Variants in MYRIP observed in about 807,000 individuals in gnomAD.
MYRIP encodes rab effector MyRIP.
A neutral mutation model predicts 98.0 loss-of-function variants in MYRIP; 49 were observed. That is an observed-to-expected ratio of 0.50 (90% CI 0.40 to 0.63). MYRIP has a LOEUF of 0.63. MYRIP is among the 30% of genes least tolerant of loss of function. The pLI is 0.00. For synonymous variants in MYRIP, 404 were observed against 409.5 expected, an observed-to-expected ratio of 0.99 and a Z score of 0.16; for missense variants, 1,004 against 1,058.2, an observed-to-expected ratio of 0.95 and a Z score of 0.71.
chr3:40,019,911 A>C (rs1946953076), intron 2 of MYRIP, among the ~76,000 whole-genome samples: 1 of 152,230 alleles, frequency 6.6e-6, no homozygotes, highest in South Asian at 2.1e-4. Flanking sequence ...GCAAGATGAT[A>C]AGGATATATG....
intron 2 of MYRIP, among the ~76,000 whole-genome samples, chr3:39,976,924 A>T (rs912870587): frequency 1.3e-5 from 2 of 152,172 alleles, no homozygotes; most frequent in African/African-American, 4.8e-5. Flanking sequence ...GAGGGATAAC[A>T]TTAGGAGATA....
chr3:39,992,584 C>A (rs72870091), intron 2 of MYRIP, among the ~76,000 whole-genome samples: 116 of 152,350 alleles, frequency 7.6e-4, no homozygotes, highest in African/African-American at 2.7e-3. Context: ...TTCTAGCCAT[C>A]TTTCAGCCTT....
intron 3 of MYRIP, among the ~76,000 whole-genome samples, chr3:40,086,189 C>A (rs1948622387): frequency 6.6e-6 from 1 of 152,168 alleles, no homozygotes; most frequent in Non-Finnish European, 1.5e-5. Flanking sequence ...TAGGAAAATT[C>A]TTACAAACTT....
intron 3 of MYRIP, among the ~76,000 whole-genome samples, chr3:40,149,281 T>G (rs1161621969): frequency 2.0e-5 from 3 of 152,180 alleles, no homozygotes; most frequent in Non-Finnish European, 2.9e-5. Context: ...TGTCACACTC[T>G]TTTCAACAAC....
At chr3:39,995,918 TA>T in intron 2 of MYRIP, among the ~76,000 whole-genome samples, 1 of 152,216 alleles carries the variant, frequency 6.6e-6, no homozygotes, top group African/African-American at 2.4e-5. Flanking sequence ...CAGAATTTCC[TA>T]TCCAGCCAAA....
chr3:40,173,353 A>G (rs143847674), intron 8 of MYRIP: 1 of 152,238 alleles, frequency 6.6e-6, no homozygotes, highest in African/African-American at 2.4e-5. Flanking sequence ...AGCTCCGGAG[A>G]TGGAATGCCT....
At chr3:39,997,714 T>G (rs1303644474) in intron 2 of MYRIP, among the ~76,000 whole-genome samples, 12 of 151,302 alleles carry the variant, frequency 7.9e-5, no homozygotes, top group Non-Finnish European at 1.0e-4. Flanking sequence ...TACCAAAGCC[T>G]GGCAGAGACA....
At chr3:39,976,680 T>C (rs1025132227) in intron 2 of MYRIP, among the ~76,000 whole-genome samples, 5 of 152,068 alleles carry the variant, frequency 3.3e-5, no homozygotes, top group Admixed American at 3.3e-4. Flanking sequence ...ATTTAGAAAA[T>C]ATGGCACATA....
intron 1 of MYRIP, among the ~76,000 whole-genome samples, chr3:39,837,766 G>A (rs1296670836): frequency 6.6e-6 from 1 of 152,188 alleles, no homozygotes; most frequent in Non-Finnish European, 1.5e-5. Context: ...GCCAATGGTA[G>A]CTTGATGGGA....
intron 1 of MYRIP, among the ~76,000 whole-genome samples, chr3:39,871,296 T>C (rs1333884387): frequency 6.6e-6 from 1 of 152,254 alleles, no homozygotes; most frequent in Non-Finnish European, 1.5e-5. Context: ...CAATTTGGAA[T>C]GCCAGTCACT....
chr3:40,238,442 C>G (rs898919131), intron 12 of MYRIP, among the ~76,000 whole-genome samples: 4 of 152,198 alleles, frequency 2.6e-5, no homozygotes, highest in African/African-American at 9.7e-5. Context: ...AAGAACAGTC[C>G]TGCACTCCTC....
chr3:39,939,714 T>C (rs563791960), intron 2 of MYRIP, among the ~76,000 whole-genome samples: 4 of 152,322 alleles, frequency 2.6e-5, no homozygotes, highest in African/African-American at 9.6e-5. Flanking sequence ...TAACTTAGAA[T>C]TGTAATTATT....
At chr3:39,908,780 A>G (rs766381460) in intron 2 of MYRIP, among the ~76,000 whole-genome samples, 1 of 152,216 alleles carries the variant, frequency 6.6e-6, no homozygotes, top group Non-Finnish European at 1.5e-5. Flanking sequence ...AATTAAGCTA[A>G]TGAATTAGCA....
At chr3:40,160,946 T>C (rs979658520) in intron 4 of MYRIP, among the ~76,000 whole-genome samples, 2 of 152,178 alleles carry the variant, frequency 1.3e-5, no homozygotes, top group African/African-American at 4.8e-5. Flanking sequence ...GATGGAAATG[T>C]AGAAATCACC....
chr3:39,907,597 C>A (rs1943909420), intron 2 of MYRIP, among the ~76,000 whole-genome samples: 1 of 152,180 alleles, frequency 6.6e-6, no homozygotes, highest in African/African-American at 2.4e-5. Flanking sequence ...TGATGATCAG[C>A]AGGAGACTTT....
chr3:39,983,093 T>C (rs1429043213), intron 2 of MYRIP, among the ~76,000 whole-genome samples: 1 of 152,224 alleles, frequency 6.6e-6, no homozygotes, highest in Non-Finnish European at 1.5e-5. Flanking sequence ...TGAGGCTTAA[T>C]CCATAACCAA....
At chr3:40,071,491 G>A (rs183089814) in intron 3 of MYRIP, among the ~76,000 whole-genome samples, 6 of 152,308 alleles carry the variant, frequency 3.9e-5, no homozygotes, top group Admixed American at 3.9e-4. Context: ...TTTACTATGT[G>A]TGATTTTAGA....
At chr3:39,923,656 A>T (rs569219520) in intron 2 of MYRIP, among the ~76,000 whole-genome samples, 1 of 152,296 alleles carries the variant, frequency 6.6e-6, no homozygotes, top group East Asian at 1.9e-4. Flanking sequence ...TAAGGAAGTG[A>T]TAACAGAAGA....
chr3:40,046,638 CAG>C (rs1283998511), intron 3 of MYRIP, among the ~76,000 whole-genome samples: 1 of 149,900 alleles, frequency 6.7e-6, no homozygotes, highest in Non-Finnish European at 1.5e-5. Flanking sequence ...GCAAACAAAG[CAG>C]AGTCACCCAA....
Sources: gnomAD v4.1 joint callset for allele counts (sites outside exome capture counted in the v4.1 genomes callset) on GRCh38, gnomAD v4.1.1 for gene constraint, MANE v1.5 for transcripts, NCBI Gene and HGNC (gene_info 2026-07-23, HGNC 2026-07-21) for gene names.